PM20D2: variants seen among roughly 807,000 people sequenced by gnomAD.
The protein encoded by PM20D2 is xaa-Arg dipeptidase.
A neutral mutation model predicts 42.9 loss-of-function variants in PM20D2; 33 were observed. The observed-to-expected ratio is 0.77, with a 90% CI of 0.58 to 1.03. PM20D2 has a LOEUF of 1.03. PM20D2 is among the 50% of genes least tolerant of loss of function. The pLI is 0.00. For missense variants in PM20D2, 548 were observed against 557.0 expected (o/e 0.98, Z 0.16); for synonymous variants, 250 against 228.2 (o/e 1.10, Z -0.86).
the PM20D2 span, among the ~76,000 whole-genome samples, chr6:89,121,102 C>A: frequency 6.6e-6 from 1 of 151,886 alleles, no homozygotes. Context: ...ACTTAGCATG[C>A]ATGTATGGAT....
intron 3 of PM20D2, 102 bp from the exon 4 acceptor site, chr6:89,154,646 A>G: frequency 1.2e-6 from 1 of 838,750 alleles, no homozygotes; most frequent in East Asian, 2.8e-5. Flanking sequence ...AGTTTAAATT[A>G]TTTTTCTTTA....
At chr6:89,156,497 AT>A (rs1771053951) in intron 4 of PM20D2, among the ~76,000 whole-genome samples, 1 of 152,020 alleles carries the variant, frequency 6.6e-6, no homozygotes. Flanking sequence ...ATATTGCCTT[AT>A]TTTTTTCTGT....
chr6:89,096,871 A>G, the PM20D2 span: 1 of 152,218 alleles, frequency 6.6e-6, no homozygotes. Context: ...TTCTATCAAT[A>G]TCTGTCTTAC....
chr6:89,114,107 G>C, the PM20D2 span, among the ~76,000 whole-genome samples: 2 of 152,126 alleles, frequency 1.3e-5, no homozygotes, highest in African/African-American at 4.8e-5. Flanking sequence ...CCTAAACGTT[G>C]ATTTCTCATC....
the PM20D2 span, chr6:89,105,021 G>A: frequency 4.8e-6 from 6 of 1,254,512 alleles, no homozygotes; most frequent in East Asian, 1.6e-4. Context: ...GCACACTACT[G>A]CACTCCAGCC....
rs1366735765 is a variant in PM20D2, at chr6:89,163,200, T to C, written c.*937T>C. ...CTTCCTTGCTTGGAATCATCAGAGT[T>C]TAAAGTAGCTTCGTGGATGGACCAT... On this transcript the variant is annotated 3_prime_UTR_variant, in exon 7 of 7. Transcript: ENST00000275072. 1 of 152,204 alleles carries C rather than the reference T, an allele frequency of 6.6e-6. No homozygotes were observed. Among genetic ancestry groups the C allele is most frequent in the Non-Finnish European group, 1.5e-5 (1 of 68,042 alleles). The allele number at this position is 152,204 out of a possible 1,614,324, so 9.4% of individuals were successfully genotyped here.
chr6:89,139,437 C>A, the PM20D2 span, among the ~76,000 whole-genome samples: 1 of 152,178 alleles, frequency 6.6e-6, no homozygotes, highest in Non-Finnish European at 1.5e-5. Flanking sequence ...TGTGCACGAA[C>A]TCCTAGGCTC....
chr6:89,131,034 C>G, the PM20D2 span, among the ~76,000 whole-genome samples: 1 of 151,670 alleles, frequency 6.6e-6, no homozygotes, highest in African/African-American at 2.4e-5. Context: ...CTGAAAAGTT[C>G]AAGGTCAAGG....
At chr6:89,117,947 G>A in the PM20D2 span, 4 of 1,489,616 alleles carry the variant, frequency 2.7e-6, no homozygotes, top group Non-Finnish European at 3.6e-6. Flanking sequence ...TCCGTCTCCC[G>A]CTACCGCTGC....
the PM20D2 span, among the ~76,000 whole-genome samples, chr6:89,138,888 CAA>C: frequency 6.6e-6 from 1 of 151,848 alleles, no homozygotes; most frequent in Non-Finnish European, 1.5e-5. Context: ...AATAAATAAA[CAA>C]ATAAATAAAT....
the PM20D2 span, among the ~76,000 whole-genome samples, chr6:89,124,736 G>GTTGTTTTTTTT: frequency 2.8e-5 from 3 of 108,436 alleles, no homozygotes; most frequent in African/African-American, 1.1e-4. Flanking sequence ...TGCTGTTGTT[G>GTTGTTTTTTTT]TTTTTTTTTT....
the PM20D2 span, among the ~76,000 whole-genome samples, chr6:89,099,726 G>A: frequency 6.6e-6 from 1 of 151,892 alleles, no homozygotes; most frequent in Non-Finnish European, 1.5e-5. Flanking sequence ...GTAGAGATGG[G>A]ATTTCTCCAT....
chr6:89,161,686 C>A, intron 5 of PM20D2, 97 bp from the exon 6 acceptor site: 2 of 923,756 alleles, frequency 2.2e-6, no homozygotes, highest in African/African-American at 1.6e-5. Context: ...AAGCTCACTT[C>A]TCTGCGTCTC....
At chr6:89,105,630 T>G in the PM20D2 span, 3 of 854,012 alleles carry the variant, frequency 3.5e-6, no homozygotes, top group Admixed American at 8.5e-5. Context: ...AAAATCAAGT[T>G]CAAGTTATTA....
chr6:89,095,447 A>C, the PM20D2 span, among the ~76,000 whole-genome samples: 1 of 152,194 alleles, frequency 6.6e-6, no homozygotes, highest in Non-Finnish European at 1.5e-5. Flanking sequence ...AGCCTCCCAA[A>C]GTGCTGAGAC....
chr6:89,105,026 C>G, the PM20D2 span: 2 of 1,329,294 alleles, frequency 1.5e-6, no homozygotes, highest in African/African-American at 1.5e-5. Context: ...CTACTGCACT[C>G]CAGCCTGGGA....
In PM20D2 at chr6:89,162,156, G is replaced by A; in HGVS notation, c.1204G>A (p.Ala402Thr). 6.2e-7 allele frequency: 1 copy of A among 1,614,140 alleles called. No homozygotes were observed. Among genetic ancestry groups the A allele is most frequent in the South Asian group, 1.1e-5 (1 of 91,074 alleles). The stretch of plus-strand genomic sequence containing the variant: ...CACTCTGCGGACGGCCAAAGCTCTG[G>A]CAATGACGGCACTGGATGTTATTTT... ...FYTLRTAKAL[A>T]MTALDVIFKP... The change falls in exon 7 of 7, where the codon GCA becomes ACA. Residue 402 changes from alanine to threonine, a missense_variant. Physicochemically the swap from Ala to Thr is moderately conservative, Grantham distance 58. This residue lies in a region of PM20D2 where 71 missense variants were observed against 69.7 expected (regional missense o/e 1.02). Coordinates refer to ENST00000275072, the MANE Select transcript of PM20D2 (RefSeq NM_001010853.3).
the PM20D2 span, among the ~76,000 whole-genome samples, chr6:89,129,770 T>C: frequency 6.6e-6 from 1 of 151,946 alleles, no homozygotes; most frequent in African/African-American, 2.4e-5. Flanking sequence ...TTGAGACAAA[T>C]TTTTTGTAGA....
the PM20D2 span, among the ~76,000 whole-genome samples, chr6:89,135,821 C>T: frequency 6.1e-3 from 918 of 151,252 alleles, 64 homozygotes; most frequent in African/African-American, 0.022. Context: ...ACAGACTTGT[C>T]CCTCCTTAAC....
Sources: gnomAD v4.1 joint callset for allele counts (sites outside exome capture counted in the v4.1 genomes callset) on GRCh38, gnomAD v4.1.1 for gene constraint, gnomAD v4.1.1 regional missense constraint, MANE v1.5 for transcripts, NCBI Gene and HGNC (gene_info 2026-07-23, HGNC 2026-07-21) for gene names.